The following PLEKHM1 variants were observed in gnomAD, a reference collection of about 807,000 sequenced individuals.
PLEKHM1 encodes the protein pleckstrin homology domain-containing family M member 1.
PLEKHM1 carries 28 observed loss-of-function variants against 94.3 expected under a neutral mutation model. The observed-to-expected ratio is 0.30, with a 90% confidence interval of 0.22 to 0.41. The LOEUF (loss-of-function observed/expected upper bound fraction) is 0.41. Ranked by LOEUF, PLEKHM1 falls within the 10% of genes least tolerant of loss-of-function variation. The pLI is 1.00. For missense variants in PLEKHM1, 907 were observed against 1,358.6 expected, an observed-to-expected ratio of 0.67 and a Z score of 5.22; for synonymous variants, 424 against 581.2, an observed-to-expected ratio of 0.73 and a Z score of 3.89.
chr17:45,467,394 G>A (rs887565429), intron 5 of PLEKHM1, among the ~76,000 whole-genome samples: 5 of 152,238 alleles, frequency 3.3e-5, no homozygotes, highest in Non-Finnish European at 5.9e-5. Flanking sequence ...AGCCACACGT[G>A]GCTTGTAGCT....
chr17:45,490,681 G>A lies in PLEKHM1; in HGVS notation c.-71C>T, dbSNP rs749850308. The A allele has an allele frequency of 1.1e-5, 5 of 450,172 alleles. No homozygotes were observed. The highest frequency in any genetic ancestry group is 4.2e-4 in the Middle Eastern group (1 of 2,380). The allele number at this position is 450,172 out of a possible 1,614,324, so 27.9% of individuals were successfully genotyped here. On this transcript the variant is annotated 5_prime_UTR_variant, in exon 1 of 12. Transcript: ENST00000430334. ...CGGAGCGAGGAGCGAGGCGAGGGGCGCTCCCGGCCGCGGCAGCCCCTCAGC... is the reference window on the plus strand; with the variant it reads ...CGGAGCGAGGAGCGAGGCGAGGGGCACTCCCGGCCGCGGCAGCCCCTCAGC...
At chr17:45,484,765 G>T (rs1454844208) in intron 1 of PLEKHM1, among the ~76,000 whole-genome samples, 10 of 152,122 alleles carry the variant, frequency 6.6e-5, no homozygotes, top group Non-Finnish European at 1.2e-4. Context: ...AGACCCTTTC[G>T]CTGGGGGCCG....
intron 11 of PLEKHM1, among the ~76,000 whole-genome samples, chr17:45,439,011 T>C (rs1037385186): frequency 2.0e-5 from 3 of 151,940 alleles, no homozygotes; most frequent in African/African-American, 7.3e-5. Context: ...CATTGAGAGG[T>C]TGCGGATAAT....
intron 7 of PLEKHM1, among the ~76,000 whole-genome samples, chr17:45,451,334 G>C (rs2050769005): frequency 6.6e-6 from 1 of 152,218 alleles, no homozygotes; most frequent in Admixed American, 6.5e-5. Context: ...GGTAGGGCTG[G>C]CTTCAGCCCC....
rs773073467 is a variant in PLEKHM1 at position 45,475,569 on chromosome 17, T to G, written c.454A>C (p.Thr152Pro). 1 of 1,613,688 alleles carries G rather than the reference T, an allele frequency of 6.2e-7. No individual in the cohort carries two copies. The highest frequency in any genetic ancestry group is 2.2e-5 in the East Asian group (1 of 44,870). ...QARLHEYYQP[T>P]ALLRDAEEGE... ...TCCTCAGCATCCCGGAGCAGGGCGGTGGGCTGGTAGTACTCATGCAAGCGG... is the reference window on the plus strand; with the variant it reads ...TCCTCAGCATCCCGGAGCAGGGCGGGGGGCTGGTAGTACTCATGCAAGCGG... Residue 152 changes from threonine to proline, a missense_variant, in exon 4 of 12, where the codon ACC becomes CCC. This residue lies in a region of PLEKHM1 where 176 missense variants were observed against 306.0 expected (regional missense o/e 0.58). Transcript: ENST00000430334.
In PLEKHM1 at chr17:45,467,934, C is replaced by T. The variant is rs73307530; in HGVS notation, c.1308+275G>A. 0.035 allele frequency among the ~76,000 whole-genome samples: 5,316 copies of T among 152,138 alleles called. 323 individuals are homozygous for T. The highest frequency in any genetic ancestry group is 0.12 in the African/African-American group (5,070 of 41,442). ...GACAAGAACAACCTTCACAAAGTGA[C>T]GTGAAAATGACAGGAGATACACACG... On this transcript the variant is annotated intron_variant, in intron 5 of 11. Transcript: ENST00000430334.
chr17:45,480,160 T>G (rs1413927708), intron 2 of PLEKHM1, among the ~76,000 whole-genome samples: 1 of 152,190 alleles, frequency 6.6e-6, no homozygotes, highest in African/African-American at 2.4e-5. Context: ...ATTCACACAA[T>G]TGTGCAACCA....
At chr17:45,440,140 C>G in intron 10 of PLEKHM1, 23 bp downstream of exon 10, 2 of 1,606,472 alleles carry the variant, frequency 1.2e-6, no homozygotes, top group Non-Finnish European at 8.5e-7. Flanking sequence ...GAGGTCTGGG[C>G]GGGGGAAGCA....
At chr17:45,482,893 C>T (rs960493754) in intron 1 of PLEKHM1, among the ~76,000 whole-genome samples, 1 of 151,430 alleles carries the variant, frequency 6.6e-6, no homozygotes, top group Non-Finnish European at 1.5e-5. Context: ...GAGGGGGAGG[C>T]TGCAGCTGAA....
chr17:45,449,972 C>T (rs1307782423), intron 8 of PLEKHM1, among the ~76,000 whole-genome samples: 1 of 150,904 alleles, frequency 6.6e-6, no homozygotes, highest in South Asian at 2.1e-4. Context: ...CTAGCCACCA[C>T]CTGCTCATTC....
chr17:45,474,470 C>T (rs1225910593), intron 4 of PLEKHM1, among the ~76,000 whole-genome samples: 1 of 152,182 alleles, frequency 6.6e-6, no homozygotes, highest in Non-Finnish European at 1.5e-5. Flanking sequence ...ACCTGTCCAC[C>T]ACCTCCTGCA....
At chr17:45,466,223 CT>C (rs367902572) in intron 5 of PLEKHM1, among the ~76,000 whole-genome samples, 111 of 152,278 alleles carry the variant, frequency 7.3e-4, no homozygotes, top group African/African-American at 2.6e-3. Context: ...TGAGGTTTGA[CT>C]TCTAACACCA....
downstream of PLEKHM1, among the ~76,000 whole-genome samples, chr17:45,434,677 T>G (rs1238951310): frequency 3.3e-5 from 5 of 152,080 alleles, no homozygotes; most frequent in African/African-American, 1.2e-4. Flanking sequence ...ACTTCTGACC[T>G]CAGATGATCC....
intron 5 of PLEKHM1, among the ~76,000 whole-genome samples, chr17:45,467,738 G>C (rs1174343027): frequency 6.6e-6 from 1 of 152,098 alleles, no homozygotes; most frequent in African/African-American, 2.4e-5. Context: ...TCCAGCCTGG[G>C]CAACAGAGCA....
At chr17:45,487,000 T>C (rs1237705255) in intron 1 of PLEKHM1, among the ~76,000 whole-genome samples, 2 of 152,116 alleles carry the variant, frequency 1.3e-5, no homozygotes, top group African/African-American at 4.8e-5. Flanking sequence ...ACGCTCTTCA[T>C]TGACACAAAG....
In PLEKHM1 at chr17:45,458,190, C is replaced by A; in HGVS notation, c.1558G>T (p.Val520Leu). Residue 520 changes from valine (V) to leucine (L), a missense_variant, in exon 6 of 12, where the codon GTG becomes TTG. Physicochemically the swap from Val to Leu is conservative, Grantham distance 32. This residue lies in a region of PLEKHM1 where 477 missense variants were observed against 601.5 expected (regional missense o/e 0.79). Transcript: ENST00000430334. ...APSQGHKSFR[V>L]VHRRQMGLSN... ...CTACCCATCTGTCTCCGGTGTACCA[C>A]CCGGAAGCTCTTATGCCCCTGGGAT... The A allele has an allele frequency of 2.5e-6, 4 of 1,613,666 alleles. No homozygotes were observed. Among genetic ancestry groups the A allele is most frequent in the Non-Finnish European group, 3.4e-6 (4 of 1,179,766 alleles).
chr17:45,468,472 A>T lies in PLEKHM1; in HGVS notation c.1045T>A (p.Tyr349Asn). Reference protein sequence around the residue: ...LSLHGLNTSTYLHCEAPAEPL... With the variant: ...LSLHGLNTSTNLHCEAPAEPL... ...TCTGCAGGTGCCTCACAGTGCAGGT[A>T]TGTGCTGGTGTTGAGGCCATGGAGG... Residue 349 changes from tyrosine (Y) to asparagine (N), a missense_variant, in exon 5 of 12, where the codon TAC becomes AAC. By Grantham distance (143) the Tyr-to-Asn change is moderately radical (BLOSUM62 -2). Around this residue, in one of 3 missense-constraint regions of PLEKHM1, gnomAD observed 477 missense variants for 601.5 expected, o/e 0.79. Transcript: ENST00000430334. 1.2e-6 allele frequency: 2 copies of T among 1,614,170 alleles called. No individual in the cohort carries two copies. Among genetic ancestry groups the T allele is most frequent in the Non-Finnish European group, 1.7e-6 (2 of 1,180,028 alleles).
chr17:45,470,559 G>C (rs562540873), intron 4 of PLEKHM1, among the ~76,000 whole-genome samples: 8 of 151,884 alleles, frequency 5.3e-5, no homozygotes, highest in East Asian at 1.9e-4. Context: ...AACCCGGGAC[G>C]GGGAGGCTGC....
In PLEKHM1 at chr17:45,453,728, C is replaced by T. The variant is rs774687855; in HGVS notation, c.2124G>A (p.Glu708=). ...TCCTGATGCGGAAACATTTCAGAGCCTCCAAGGACAGAGAAAATATATAGG... is the reference window on the plus strand; with the variant it reads ...TCCTGATGCGGAAACATTTCAGAGCTTCCAAGGACAGAGAAAATATATAGG... ...WMPYIFSLSL[E]ALKCFRIRNN... The change falls in exon 7 of 12, where the codon GAG becomes GAA. Residue 708 remains glutamate (E), a synonymous_variant. Coordinates refer to ENST00000430334, the MANE Select transcript of PLEKHM1 (RefSeq NM_014798.3). This position sits in a 1 kb window ranked among gnomAD's most constrained non-coding sequence, Gnocchi z 4.1. 6 of 1,613,956 alleles carry T rather than the reference C, an allele frequency of 3.7e-6. No homozygotes were observed. The highest frequency in any genetic ancestry group is 2.2e-5 in the East Asian group (1 of 44,878).
Sources: allele counts gnomAD v4.1 joint callset (sites outside exome capture counted in the v4.1 genomes callset), GRCh38; gene constraint gnomAD v4.1.1; regional missense constraint gnomAD v4.1.1; non-coding constraint Gnocchi (gnomAD v3.1); transcripts MANE v1.5; gene names NCBI Gene and HGNC (gene_info 2026-07-23, HGNC 2026-07-21).